The following COMMD1 variants were observed in gnomAD, a reference collection of about 807,000 sequenced individuals.
COMMD1 encodes the protein copper metabolism domain containing 1.
COMMD1 carries 10 observed loss-of-function variants against 17.2 expected under a neutral mutation model. The ratio of observed to expected loss-of-function variants is 0.58; its 90% CI spans 0.36 to 0.99. The LOEUF (loss-of-function observed/expected upper bound fraction) is 0.99. COMMD1 is among the 50% of genes least tolerant of loss of function. COMMD1 has a pLI of 0.01. For synonymous variants in COMMD1, 97 were observed against 91.6 expected (o/e 1.06, Z -0.34); for missense variants, 270 against 231.8 (o/e 1.17, Z -1.07).
chr2:61,977,981 T>A (rs1671851076), intron 1 of COMMD1, among the ~76,000 whole-genome samples: 1 of 150,542 alleles, frequency 6.6e-6, no homozygotes, highest in Admixed American at 6.6e-5. Context: ...ACAGGGAGAT[T>A]CTGTCTGAAA....
chr2:62,123,656 T>C (rs1672813025), intron 2 of COMMD1, among the ~76,000 whole-genome samples: 1 of 151,968 alleles, frequency 6.6e-6, no homozygotes, highest in African/African-American at 2.4e-5. Context: ...GTGTATCTTA[T>C]AGGAATTATA....
rs374176836 is a variant in COMMD1 at position 62,109,457 on chromosome 2, T to C, written c.463-26374T>C. Among the ~76,000 whole-genome samples the C allele has an allele frequency of 9.2e-5, 14 of 152,374 alleles. No homozygotes were observed. The South Asian group carries it at 2.7e-3, about 29-fold the overall frequency. On this transcript the variant is annotated intron_variant, in intron 2 of 2. Transcript: ENST00000311832. ...TATAAACATTTTGATTAGGCAGTTA[T>C]AGTTAGCGTTTGTCCAATGCTTTAA... is the stretch of plus-strand genomic sequence containing the variant.
chr2:62,024,616 G>A (rs763876294), intron 2 of COMMD1, among the ~76,000 whole-genome samples: 2 of 152,034 alleles, frequency 1.3e-5, no homozygotes, highest in Non-Finnish European at 2.9e-5. Context: ...AGACCTTTTC[G>A]ACCTAGTTAG....
intron 1 of COMMD1, among the ~76,000 whole-genome samples, chr2:61,985,385 T>C (rs1672080165): frequency 6.6e-6 from 1 of 152,194 alleles, no homozygotes; most frequent in African/African-American, 2.4e-5. Flanking sequence ...GTGTTTCTTT[T>C]AGGCTACAGA....
chr2:62,001,902 T>C (rs899825308), intron 2 of COMMD1, among the ~76,000 whole-genome samples: 7 of 152,068 alleles, frequency 4.6e-5, no homozygotes, highest in African/African-American at 1.4e-4. Context: ...TAATCCCAGT[T>C]TATGCCTGTA....
intron 1 of COMMD1, among the ~76,000 whole-genome samples, chr2:61,899,156 C>T (rs1210469823): frequency 1.3e-5 from 2 of 151,976 alleles, no homozygotes; most frequent in African/African-American, 4.8e-5. Context: ...GCTAAAGACA[C>T]ATTAAAAAAA....
At chr2:62,068,733 T>A (rs1671122287) in intron 2 of COMMD1, among the ~76,000 whole-genome samples, 1 of 150,606 alleles carries the variant, frequency 6.6e-6, no homozygotes, top group Non-Finnish European at 1.5e-5. Flanking sequence ...CAAGTGATTC[T>A]CCTGTCTCGC....
At chr2:62,048,245 C>T (rs923402159) in intron 2 of COMMD1, among the ~76,000 whole-genome samples, 7 of 147,614 alleles carry the variant, frequency 4.7e-5, no homozygotes, top group African/African-American at 1.0e-4. Context: ...TGCAGTGGCG[C>T]GATCTCGGCT....
intron 1 of COMMD1, among the ~76,000 whole-genome samples, chr2:61,977,536 G>A (rs1047833159): frequency 2.0e-5 from 3 of 152,054 alleles, no homozygotes; most frequent in South Asian, 4.2e-4. Flanking sequence ...GAGCTGCCGC[G>A]CCTGGCCAGT....
intron 1 of COMMD1, among the ~76,000 whole-genome samples, chr2:61,956,198 A>G (rs1489438765): frequency 3.9e-5 from 6 of 152,166 alleles, no homozygotes; most frequent in Admixed American, 2.0e-4. Flanking sequence ...TTGGTACACA[A>G]TTGTCCCAGT....
At chr2:62,110,263 G>A (rs1672422180) in intron 2 of COMMD1, among the ~76,000 whole-genome samples, 2 of 151,978 alleles carry the variant, frequency 1.3e-5, no homozygotes, top group Non-Finnish European at 2.9e-5. Context: ...TAGGAATGGT[G>A]TCTCACTATA....
intron 1 of COMMD1, among the ~76,000 whole-genome samples, chr2:61,934,173 TGGG>T (rs1281358178): frequency 2.0e-5 from 3 of 152,110 alleles, no homozygotes; most frequent in Middle Eastern, 3.4e-3. Context: ...CAGGGGATGG[TGGG>T]GGAATGTGAG....
chr2:61,985,337 ACCGCAC>A (rs1252656034), intron 1 of COMMD1, among the ~76,000 whole-genome samples: 1 of 152,136 alleles, frequency 6.6e-6, no homozygotes, highest in Non-Finnish European at 1.5e-5. Context: ...GGCATGAGCC[ACCGCAC>A]CCGGCCCTAT....
At chr2:61,975,445 A>C (rs1671776107) in intron 1 of COMMD1, among the ~76,000 whole-genome samples, 1 of 152,138 alleles carries the variant, frequency 6.6e-6, no homozygotes, top group African/African-American at 2.4e-5. Flanking sequence ...GAAACTGCCA[A>C]AGTTTTATCC....
At chr2:62,047,478 T>TG (rs1226833645) in intron 2 of COMMD1, among the ~76,000 whole-genome samples, 1 of 152,064 alleles carries the variant, frequency 6.6e-6, no homozygotes, top group Non-Finnish European at 1.5e-5. Flanking sequence ...CTTTCTTTTT[T>TG]TTTTTGAGAC....
rs548136365 is a variant in COMMD1 at position 62,003,802 on chromosome 2, C to T, written c.462+2820C>T. Reference sequence around the variant, plus strand: ...TGAAAACATAATCTGTTTTAAGACTCCTAGAAAGCTATGATATTATTTCGT... The same window carrying T: ...TGAAAACATAATCTGTTTTAAGACTTCTAGAAAGCTATGATATTATTTCGT... On this transcript the variant is annotated intron_variant, in intron 2 of 2. Coordinates refer to ENST00000311832, the MANE Select transcript of COMMD1 (RefSeq NM_152516.4). Among the ~76,000 whole-genome samples, 144 of 152,186 alleles carry T rather than the reference C, an allele frequency of 9.5e-4. 2 individuals are homozygous for T. Among genetic ancestry groups the T allele is most frequent in the African/African-American group, 3.2e-3 (131 of 41,528 alleles).
chr2:62,124,538 TTTTGTTTG>T (rs142356588), intron 2 of COMMD1, among the ~76,000 whole-genome samples: 2,997 of 152,004 alleles, frequency 0.02, 97 homozygotes, highest in African/African-American at 0.07. Context: ...TAAAAATGCC[TTTTGTTTG>T]TTTGTTTGTT....
chr2:62,040,985 C>T (rs1423341352), intron 2 of COMMD1, among the ~76,000 whole-genome samples: 1 of 152,184 alleles, frequency 6.6e-6, no homozygotes, highest in Non-Finnish European at 1.5e-5. Flanking sequence ...GCTGGGATTA[C>T]AGACATGAGC....
intron 2 of COMMD1, among the ~76,000 whole-genome samples, chr2:62,032,829 G>C (rs1669945385): frequency 6.6e-6 from 1 of 152,050 alleles, no homozygotes; most frequent in Non-Finnish European, 1.5e-5. Context: ...GGAGTGCAAT[G>C]GCGTGATCTT....
Sources: allele counts gnomAD v4.1 joint callset (sites outside exome capture counted in the v4.1 genomes callset), GRCh38; gene constraint gnomAD v4.1.1; transcripts MANE v1.5; gene names NCBI Gene and HGNC (gene_info 2026-07-23, HGNC 2026-07-21).